Variants in ZNF141 observed in about 807,000 individuals in gnomAD.
ZNF141 encodes zinc finger protein 141, also known as zinc finger protein 141 (clone pHZ-44).
In ZNF141, 7 loss-of-function variants were observed where a neutral mutation model predicts 11.3. The ratio of observed to expected loss-of-function variants is 0.62; its 90% confidence interval spans 0.35 to 1.16. The LOEUF (loss-of-function observed/expected upper bound fraction) is 1.16, where lower values mean the gene tolerates loss of function less well. Among genes scored for constraint, ZNF141 ranks in the 50% most tolerant of loss-of-function variants. The probability of loss-of-function intolerance (pLI) is 0.02; values close to 1 mark genes in which losing one functional copy is unlikely to be tolerated. For synonymous variants in ZNF141, 183 were observed against 190.7 expected (o/e 0.96, Z 0.33); for missense variants, 535 against 554.0 (o/e 0.97, Z 0.34).
chr4:370,581 T>C (rs781923200), intron 3 of ZNF141, among the ~76,000 whole-genome samples: 4 of 152,236 alleles, frequency 2.6e-5, no homozygotes, highest in Non-Finnish European at 5.9e-5. Context: ...ACAGATTCAC[T>C]TGTTATCTTA....
intron 3 of ZNF141, among the ~76,000 whole-genome samples, chr4:347,577 G>A (rs1485975802): frequency 6.6e-6 from 1 of 151,820 alleles, no homozygotes; most frequent in African/African-American, 2.4e-5. Flanking sequence ...CTGATCTCAT[G>A]ATCCGCCTGC....
At position 373,575 on chromosome 4, in the gene ZNF141, AG is replaced by A. The variant is rs1560199620; in HGVS notation, c.1141del (p.Val381SerfsTer2). Reference sequence around the variant, plus strand: ...ATGTGGCAAAGCCTTTGGACGGTCCAGGGTCCTGAATGAACATAAAAAAATT... The same window carrying A: ...ATGTGGCAAAGCCTTTGGACGGTCCAGGTCCTGAATGAACATAAAAAAATT... ...DECGKAFGRS[R>X]VLNEHKKIHT... On this transcript the variant is annotated frameshift_variant, in exon 4 of 4. Coordinates refer to ENST00000240499, the MANE Select transcript of ZNF141 (RefSeq NM_003441.4). LOFTEE classifies it low-confidence loss of function (END_TRUNC). The A allele has an allele frequency of 2.5e-6, 4 of 1,613,138 alleles. No individual in the cohort carries two copies. Among genetic ancestry groups the A allele is most frequent in the Admixed American group, 1.7e-5 (1 of 59,928 alleles).
intron 3 of ZNF141, among the ~76,000 whole-genome samples, chr4:357,002 T>G (rs1721873360): frequency 6.6e-6 from 1 of 152,192 alleles, no homozygotes; most frequent in Admixed American, 6.5e-5. Context: ...TTACTCAGGC[T>G]ATAGTTCAGT....
intron 1 of ZNF141, among the ~76,000 whole-genome samples, chr4:341,084 T>G (rs943237644): frequency 6.6e-6 from 1 of 152,106 alleles, no homozygotes; most frequent in African/African-American, 2.4e-5. Context: ...TTTTTTTTTT[T>G]TTGAGACAGA....
At chr4:346,860 TG>T (rs571646755) in intron 3 of ZNF141, among the ~76,000 whole-genome samples, 1 of 147,620 alleles carries the variant, frequency 6.8e-6, no homozygotes, top group Non-Finnish European at 1.5e-5. Context: ...TGTATATACA[TG>T]TATGTATATA....
chr4:342,777 C>T, intron 1 of ZNF141: 2 of 1,531,618 alleles, frequency 1.3e-6, no homozygotes, highest in Non-Finnish European at 1.8e-6. Context: ...TGTTGTTGTC[C>T]CAGATTTATT....
At chr4:358,165 T>C in intron 3 of ZNF141, 2 of 414,594 alleles carry the variant, frequency 4.8e-6, no homozygotes, top group Non-Finnish European at 9.4e-6. Flanking sequence ...TATTTGGTTC[T>C]TTTTTAAGTT....
rs781896435 is a variant in ZNF141, at chr4:346,893, A to ACCCCCCCCC, written c.226+2465_226+2466insCCCCCCCCC. On this transcript the variant is annotated intron_variant, in intron 3 of 3. Transcript: ENST00000240499. ...TATATATGTATACACACACACACAC[A>ACCCCCCCCC]CCGCCCCCCCCATATATTGGCTACT... Among the ~76,000 whole-genome samples, 25 of 135,442 alleles carry ACCCCCCCCC rather than the reference A, an allele frequency of 1.8e-4. 3 individuals are homozygous for ACCCCCCCCC. The highest frequency in any genetic ancestry group is 6.1e-4 in the African/African-American group (19 of 31,348). The allele number at this position is 135,442 out of a possible 152,430, so 88.9% of individuals were successfully genotyped here.
At position 375,995 on chromosome 4, in the gene ZNF141, T is replaced by C. The variant is rs1460341871; in HGVS notation, c.*2133T>C. On this transcript the variant is annotated 3_prime_UTR_variant, in exon 4 of 4. Coordinates refer to ENST00000240499, the MANE Select transcript of ZNF141 (RefSeq NM_003441.4). ...CATTATAGTGAGAGAAAATCTGTTT[T>C]AGTAGTAAATTGTTTTACCAATTAT... 3.9e-5 allele frequency among the ~76,000 whole-genome samples: 6 copies of C among 152,052 alleles called. No homozygotes were observed. The highest frequency in any genetic ancestry group is 1.4e-4 in the African/African-American group (6 of 41,432).
chr4:354,331 C>T (rs1721749524), intron 3 of ZNF141, among the ~76,000 whole-genome samples: 1 of 152,172 alleles, frequency 6.6e-6, no homozygotes, highest in East Asian at 1.9e-4. Context: ...CTGCAGGTGC[C>T]TAAGTCCAGG....
chr4:379,527 A>G lies in ZNF141; in HGVS notation c.*5665A>G, dbSNP rs1712522782. 6.6e-6 allele frequency among the ~76,000 whole-genome samples: 1 copy of G among 152,000 alleles called. No individual in the cohort carries two copies. The highest frequency in any genetic ancestry group is 1.9e-4 in the East Asian group (1 of 5,136). ...TTAGCTGGCATTACAGGTGTGCACC[A>G]CCATGCCTGGCTAATTTTTATATTG... is the stretch of plus-strand genomic sequence containing the variant. On this transcript the variant is annotated 3_prime_UTR_variant, in exon 4 of 4. Transcript: ENST00000240499.
At position 373,777 on chromosome 4, in the gene ZNF141, T is replaced by C. The variant is rs782255792; in HGVS notation, c.1340T>C (p.Val447Ala). The stretch of plus-strand genomic sequence containing the variant: ...AGTCAACATAAGAAAATTCATACTG[T>C]AGATAAACCCTACAAATGTAAAGAT... Reference protein sequence around the residue: ...LLSQHKKIHTVDKPYKCKDCD... With the variant: ...LLSQHKKIHTADKPYKCKDCD... The change falls in exon 4 of 4, where the codon GTA (valine) becomes GCA (alanine). Residue 447 changes from valine (V) to alanine (A), a missense_variant. Physicochemically the swap from Val to Ala is moderately conservative, Grantham distance 64. Coordinates refer to ENST00000240499, the MANE Select transcript of ZNF141 (RefSeq NM_003441.4). 6.2e-7 allele frequency: 1 copy of C among 1,613,886 alleles called. No individual in the cohort carries two copies. The highest frequency in any genetic ancestry group is 8.5e-7 in the Non-Finnish European group (1 of 1,179,954).
At chr4:359,309 C>G (rs1722001213) in intron 3 of ZNF141, among the ~76,000 whole-genome samples, 1 of 151,576 alleles carries the variant, frequency 6.6e-6, no homozygotes, top group Non-Finnish European at 1.5e-5. Context: ...AAAAAAAAAA[C>G]CCAGTTAATA....
chr4:374,054 A>C lies in ZNF141; in HGVS notation c.*192A>C. 1 of 629,486 alleles carries C rather than the reference A, an allele frequency of 1.6e-6. No homozygotes were observed. Among genetic ancestry groups the C allele is most frequent in the Non-Finnish European group, 2.8e-6 (1 of 359,146 alleles). 39.0% of individuals were successfully genotyped at this position (629,486 alleles called of 1,614,324 possible). A position where few individuals can be genotyped will look rare whatever the true frequency, so the allele number is the denominator to read the frequency against. On this transcript the variant is annotated 3_prime_UTR_variant, in exon 4 of 4. Coordinates refer to ENST00000240499, the MANE Select transcript of ZNF141 (RefSeq NM_003441.4). The stretch of plus-strand genomic sequence containing the variant: ...GAGAGAAACTGTACAAATGTGAAGA[A>C]TATGGCAAAGCCTGTGAATGGTCCA...
intron 3 of ZNF141, among the ~76,000 whole-genome samples, chr4:369,735 GAGATATATATATAT>G (rs1256577309): frequency 0.017 from 274 of 16,158 alleles, 23 homozygotes; most frequent in Non-Finnish European, 0.02. Context: ...ATTTCTTAAA[GAGATATATATATAT>G]ATATATATAT....
Position 347,264 on chromosome 4 carries a change from C to T in ZNF141, c.226+2834C>T, listed in dbSNP as rs190802738. Among the ~76,000 whole-genome samples the T allele has an allele frequency of 2.1e-3, 321 of 151,456 alleles. 3 individuals are homozygous for T. Among genetic ancestry groups the T allele is most frequent in the African/African-American group, 7.3e-3 (301 of 41,294 alleles). On this transcript the variant is annotated intron_variant, in intron 3 of 3. Transcript: ENST00000240499. ...GTTGGTCAGGCTAGTCTCGAACTCC[C>T]GACCTCAGGTGATCCACCCGTCTCA...
At chr4:354,969 T>C (rs936635070) in intron 3 of ZNF141, among the ~76,000 whole-genome samples, 2 of 152,118 alleles carry the variant, frequency 1.3e-5, no homozygotes, top group South Asian at 2.1e-4. Flanking sequence ...ATGACAGGTC[T>C]TGGAGAGTGT....
rs1553849142 is a variant in ZNF141 at position 344,392 on chromosome 4, A to G, written c.188A>G (p.Tyr63Cys). The stretch of plus-strand genomic sequence containing the variant: ...TGTCTGGAGCAAAGAAAAGAGCCCT[A>G]CAATGTGAAGATACATAAGATCGTA... The part of the protein sequence containing the change: ...VTCLEQRKEP[Y>C]NVKIHKIVAR... Residue 63 changes from tyrosine to cysteine, a missense_variant, in exon 3 of 4, where the codon TAC becomes TGC. Tyr to Cys is a radical substitution (Grantham distance 194). Transcript: ENST00000240499. 3 of 1,608,338 alleles carry G rather than the reference A, an allele frequency of 1.9e-6. No individual in the cohort carries two copies. Among genetic ancestry groups the G allele is most frequent in the South Asian group, 2.2e-5 (2 of 91,050 alleles).
rs183944034 is a variant in ZNF141 at position 379,141 on chromosome 4, C to G, written c.*5279C>G. Reference sequence around the variant, plus strand: ...TACCGGTGTGAGCCACTGTGCCCAGCCTCTCAGTGATTTTTGATGCAAATT... The same window carrying G: ...TACCGGTGTGAGCCACTGTGCCCAGGCTCTCAGTGATTTTTGATGCAAATT... On this transcript the variant is annotated 3_prime_UTR_variant, in exon 4 of 4. Transcript: ENST00000240499. Among the ~76,000 whole-genome samples the G allele has an allele frequency of 7.3e-3, 1,110 of 152,160 alleles. 11 individuals are homozygous for G. The highest frequency in any genetic ancestry group is 0.072 in the Middle Eastern group (21 of 292).
Sources: gnomAD v4.1 joint callset for allele counts (sites outside exome capture counted in the v4.1 genomes callset) on GRCh38, gnomAD v4.1.1 for gene constraint, MANE v1.5 for transcripts, NCBI Gene and HGNC (gene_info 2026-07-23, HGNC 2026-07-21) for gene names.